ACTL8: variants seen among roughly 807,000 people sequenced by gnomAD.
ACTL8 encodes the protein actin like 8.
ACTL8 carries 3 observed loss-of-function variants against 9.3 expected under a neutral mutation model. That is an observed-to-expected ratio of 0.32 (90% confidence interval 0.15 to 0.83). ACTL8 has a LOEUF of 0.83. Among genes scored for constraint, ACTL8 ranks in the 40% least tolerant of loss-of-function variants. The pLI is 0.57. For synonymous variants in ACTL8, 224 were observed against 205.9 expected (o/e 1.09, Z -0.75); for missense variants, 381 against 492.2 (o/e 0.77, Z 2.14).
intron 1 of ACTL8, among the ~76,000 whole-genome samples, chr1:17,769,771 T>C (rs2066071230): frequency 6.6e-6 from 1 of 152,242 alleles, no homozygotes; most frequent in Non-Finnish European, 1.5e-5. Context: ...GCTGTTGCTG[T>C]GTAGGGCTTC....
At chr1:17,781,065 C>T (rs941410677) in intron 1 of ACTL8, among the ~76,000 whole-genome samples, 2 of 152,084 alleles carry the variant, frequency 1.3e-5, no homozygotes, top group African/African-American at 4.8e-5. Flanking sequence ...TCCCCAGTAA[C>T]CTCCGAAGGC....
chr1:17,823,404 G>A lies in ACTL8; in HGVS notation c.348+48G>A, dbSNP rs1365599314. ...CCCACTCGGGAGCGGGAAACAGACT[G>A]ACACTATGTCTGGACTGATTGGGCA... is the stretch of plus-strand genomic sequence containing the variant. On this transcript the variant is annotated intron_variant, in intron 2 of 2. Transcript: ENST00000375406. This position sits in a 1 kb window ranked among gnomAD's most constrained non-coding sequence, Gnocchi z 5.3. 1.8e-5 allele frequency: 28 copies of A among 1,537,428 alleles called. No individual in the cohort carries two copies. The highest frequency in any genetic ancestry group is 1.9e-5 in the Non-Finnish European group (22 of 1,130,820).
At chr1:17,800,742 G>A (rs967228501) in intron 1 of ACTL8, among the ~76,000 whole-genome samples, 5 of 151,580 alleles carry the variant, frequency 3.3e-5, no homozygotes, top group South Asian at 4.2e-4. Flanking sequence ...CTAAAGGTGC[G>A]TACCACCATG....
chr1:17,800,581 ATCTTTT>A (rs2066313716), intron 1 of ACTL8, among the ~76,000 whole-genome samples: 1 of 108,438 alleles, frequency 9.2e-6, no homozygotes, highest in Admixed American at 9.4e-5. Context: ...CTTGGTGTCA[ATCTTTT>A]TTTTTTTTTT....
In ACTL8 at chr1:17,823,297, C is replaced by T. The variant is rs115398046; in HGVS notation, c.289C>T (p.Pro97Ser). The T allele has an allele frequency of 2.0e-3, 3,212 of 1,614,114 alleles. 85 individuals carry two copies. In the South Asian group the frequency reaches 0.032, roughly 16 times the overall value. Residue 97 changes from proline (P) to serine (S), a missense_variant, in exon 2 of 3, where the codon CCT (proline) becomes TCT (serine). Around this residue, in one of 3 missense-constraint regions of ACTL8, gnomAD observed 125 missense variants for 180.7 expected, o/e 0.69. Coordinates refer to ENST00000375406, the MANE Select transcript of ACTL8 (RefSeq NM_030812.3). The surrounding 1 kb of genome is among the most constrained non-coding windows in gnomAD (Gnocchi z 5.3). ...CCACAGACGGGAGCAAGAGGTCCCC[C>T]CTGTGATCATCACGGAGACACCCTT... is the stretch of plus-strand genomic sequence containing the variant. ...ENHRREQEVP[P>S]VIITETPLRE...
At chr1:17,771,358 C>CA (rs2066082094) in intron 1 of ACTL8, among the ~76,000 whole-genome samples, 1 of 152,050 alleles carries the variant, frequency 6.6e-6, no homozygotes, top group Non-Finnish European at 1.5e-5. Context: ...CATATAAAAA[C>CA]AGGCAGTGAG....
At chr1:17,799,460 CT>C (rs144331230) in intron 1 of ACTL8, among the ~76,000 whole-genome samples, 11,645 of 145,486 alleles carry the variant, frequency 0.08, 630 homozygotes, top group Admixed American at 0.15. Context: ...ATCTTTTTGT[CT>C]TTTTTTTTTT....
intron 1 of ACTL8, among the ~76,000 whole-genome samples, chr1:17,785,516 A>G (rs2066190795): frequency 6.6e-6 from 1 of 152,148 alleles, no homozygotes; most frequent in African/African-American, 2.4e-5. Flanking sequence ...ATGCAGGTAA[A>G]TTTCCTAGAG....
intron 1 of ACTL8, among the ~76,000 whole-genome samples, chr1:17,814,758 A>G (rs1369330300): frequency 1.3e-5 from 2 of 151,890 alleles, no homozygotes. Context: ...AAACAAGACA[A>G]TACATACCAT....
chr1:17,824,218 A>C (rs915057330), intron 2 of ACTL8, among the ~76,000 whole-genome samples: 5 of 152,168 alleles, frequency 3.3e-5, no homozygotes, highest in Non-Finnish European at 7.3e-5. Flanking sequence ...TAAATCAAGG[A>C]TTGGCAACCC....
chr1:17,797,612 C>G (rs747310340), intron 1 of ACTL8, among the ~76,000 whole-genome samples: 40 of 152,322 alleles, frequency 2.6e-4, no homozygotes, highest in Middle Eastern at 3.4e-3. Context: ...ATCAGACCTT[C>G]CTGTCCTGCC....
chr1:17,768,904 G>A (rs952881446), intron 1 of ACTL8, among the ~76,000 whole-genome samples: 3 of 152,128 alleles, frequency 2.0e-5, no homozygotes, highest in African/African-American at 4.8e-5. Flanking sequence ...GAAGCAGAGC[G>A]GGAGGAGTGG....
At chr1:17,822,141 ATGCCTGG>A (rs1311115914) in intron 1 of ACTL8, among the ~76,000 whole-genome samples, 2 of 152,166 alleles carry the variant, frequency 1.3e-5, no homozygotes, top group Non-Finnish European at 2.9e-5. Flanking sequence ...TTAACACCTA[ATGCCTGG>A]TGCCTCGCAT....
At chr1:17,822,707 G>A (rs1243570021) in intron 1 of ACTL8, among the ~76,000 whole-genome samples, 1 of 152,164 alleles carries the variant, frequency 6.6e-6, no homozygotes, top group African/African-American at 2.4e-5. Context: ...CACCTAGCAG[G>A]ATACATGTGT....
intron 1 of ACTL8, among the ~76,000 whole-genome samples, chr1:17,790,870 A>G (rs1299064925): frequency 6.6e-6 from 1 of 152,260 alleles, no homozygotes. Context: ...CTGAGGCAGC[A>G]GGAGGCTGGT....
intron 1 of ACTL8, among the ~76,000 whole-genome samples, chr1:17,782,194 T>G (rs1392385808): frequency 6.6e-6 from 1 of 151,942 alleles, no homozygotes; most frequent in Non-Finnish European, 1.5e-5. Flanking sequence ...TTAGGGTACC[T>G]TGCTAGAGGA....
intron 1 of ACTL8, among the ~76,000 whole-genome samples, chr1:17,780,078 G>A (rs1294198443): frequency 6.6e-6 from 1 of 152,012 alleles, no homozygotes; most frequent in Non-Finnish European, 1.5e-5. Flanking sequence ...GTAGTGGTGT[G>A]CACCTGCAGT....
chr1:17,765,527 G>T (rs1569992940), intron 1 of ACTL8, among the ~76,000 whole-genome samples: 1 of 152,348 alleles, frequency 6.6e-6, no homozygotes, highest in East Asian at 1.9e-4. Context: ...GGAAAGTGAG[G>T]TAACGTGCCC....
intron 1 of ACTL8, among the ~76,000 whole-genome samples, chr1:17,771,330 C>G (rs906535548): frequency 6.6e-6 from 1 of 151,936 alleles, no homozygotes; most frequent in African/African-American, 2.4e-5. Flanking sequence ...ATACAAAAAC[C>G]ATTCTTGGCT....
Sources: allele counts gnomAD v4.1 joint callset (sites outside exome capture counted in the v4.1 genomes callset), GRCh38; gene constraint gnomAD v4.1.1; regional missense constraint gnomAD v4.1.1; non-coding constraint Gnocchi (gnomAD v3.1); transcripts MANE v1.5; gene names NCBI Gene and HGNC (gene_info 2026-07-23, HGNC 2026-07-21).